CFAP45: variants seen among roughly 807,000 people sequenced by gnomAD.
CFAP45 encodes cilia- and flagella-associated protein 45.
A neutral mutation model predicts 75.6 loss-of-function variants in CFAP45; 43 were observed. The ratio of observed to expected loss-of-function variants is 0.57; its 90% CI spans 0.45 to 0.73. The LOEUF is 0.73. CFAP45 is among the 30% of genes least tolerant of loss of function. The pLI, the probability that CFAP45 is intolerant of heterozygous loss-of-function variation, is 0.00. For synonymous variants in CFAP45, 223 were observed against 244.6 expected, an observed-to-expected ratio of 0.91 and a Z score of 0.82; for missense variants, 689 against 701.5, an observed-to-expected ratio of 0.98 and a Z score of 0.20.
chr1:159,884,212 C>T (rs1318696745), intron 7 of CFAP45, among the ~76,000 whole-genome samples: 1 of 151,982 alleles, frequency 6.6e-6, no homozygotes, highest in Non-Finnish European at 1.5e-5. Flanking sequence ...GACCTCAAGT[C>T]CTTGGAAGGA....
At position 159,876,587 on chromosome 1, in the gene CFAP45, G is replaced by A. The variant is rs1202413837; in HGVS notation, c.1321C>T (p.Arg441Trp). The part of the protein sequence containing the change: ...KEHALAVQVQ[R>W]DRDEFERILR... ...ATCCTCTCGAACTCATCCCGGTCCC[G>A]TTGCACCTGAACAGCCAGAGCGTGC... The change falls in exon 10 of 12, where the codon CGG becomes TGG. Residue 441 changes from arginine to tryptophan, a missense_variant. By Grantham distance (101) the Arg-to-Trp change is moderately radical. Transcript: ENST00000368099. The A allele has an allele frequency of 1.5e-5, 24 of 1,613,908 alleles. No individual in the cohort carries two copies. The highest frequency in any genetic ancestry group is 2.2e-5 in the South Asian group (2 of 91,076).
intron 10 of CFAP45, among the ~76,000 whole-genome samples, chr1:159,876,028 G>A (rs1334106124): frequency 1.3e-5 from 2 of 152,180 alleles, no homozygotes; most frequent in Non-Finnish European, 2.9e-5. Flanking sequence ...TGTGGAATGG[G>A]CAAGAGCAGT....
In CFAP45 at chr1:159,876,662, T is replaced by C; in HGVS notation, c.1246A>G (p.Thr416Ala). The change falls in exon 10 of 12, where the codon ACA (threonine) becomes GCA (alanine). Residue 416 changes from threonine (T) to alanine (A), a missense_variant. Thr to Ala is a moderately conservative substitution (Grantham distance 58). Transcript: ENST00000368099. ...EKENARKKME[T>A]EAELRKSRLE... ...CGACTTTTTCGCAGCTCAGCCTCTG[T>C]TTCCATCTTCTTCCGCGCATTTTCC... The C allele has an allele frequency of 1.2e-6, 2 of 1,614,202 alleles. No individual in the cohort carries two copies. The highest frequency in any genetic ancestry group is 1.7e-6 in the Non-Finnish European group (2 of 1,180,028).
At chr1:159,889,470 T>C (rs4656855) in intron 3 of CFAP45, among the ~76,000 whole-genome samples, 80,946 of 152,176 alleles carry the variant, frequency 0.53, 24,050 homozygotes, top group Non-Finnish European at 0.66. Flanking sequence ...TTAGCCAAGA[T>C]CTTGTGTTTC....
At chr1:159,886,433 C>A in intron 6 of CFAP45, 78 bp downstream of exon 6, 1 of 1,210,566 alleles carries the variant, frequency 8.3e-7, no homozygotes, top group Admixed American at 1.7e-5. Flanking sequence ...CTCATCTCTT[C>A]CCTCTTTGCT....
At chr1:159,875,159 A>C (rs1339130293) in intron 10 of CFAP45, among the ~76,000 whole-genome samples, 2 of 152,252 alleles carry the variant, frequency 1.3e-5, no homozygotes, top group Non-Finnish European at 2.9e-5. Flanking sequence ...CTTCAGGCAA[A>C]TGATGCAAAG....
At position 159,895,881 on chromosome 1, in the gene CFAP45, G is replaced by A. The variant is rs181287228; in HGVS notation, c.4-2576C>T. Reference sequence around the variant, plus strand: ...ATGTAATTAAGGGAAAAGGTGCAGTGCCTGGCACATGTAGTAGGAACAATA... The same window carrying A: ...ATGTAATTAAGGGAAAAGGTGCAGTACCTGGCACATGTAGTAGGAACAATA... On this transcript the variant is annotated intron_variant, in intron 1 of 11. Transcript: ENST00000368099. 5.3e-5 allele frequency among the ~76,000 whole-genome samples: 8 copies of A among 152,348 alleles called. No individual in the cohort carries two copies. In the East Asian group the frequency reaches 1.2e-3, roughly 22 times the overall value.
chr1:159,898,268 T>C lies in CFAP45; in HGVS notation c.3+1828A>G, dbSNP rs1649996803. The C allele has an allele frequency of 7.1e-6, 7 of 981,478 alleles. No homozygotes were observed. The South Asian group carries it at 2.4e-4, about 33-fold the overall frequency. The allele number at this position is 981,478 out of a possible 1,614,324, so 60.8% of individuals were successfully genotyped here. A position where few individuals can be genotyped will look rare whatever the true frequency, so the allele number is the denominator to read the frequency against. On this transcript the variant is annotated intron_variant, in intron 1 of 11. Transcript: ENST00000368099. ...TCTTCAATTGGGACCAAGTTGGCCA[T>C]CTGTAGGATGCCACCAGAAGATAAC...
chr1:159,885,682 G>A (rs570276658), intron 6 of CFAP45, among the ~76,000 whole-genome samples: 7 of 152,154 alleles, frequency 4.6e-5, no homozygotes, highest in African/African-American at 7.2e-5. Flanking sequence ...AACTGGATAC[G>A]AAAGGACCTG....
chr1:159,890,541 C>A lies in CFAP45; in HGVS notation c.211G>T (p.Gly71Cys), dbSNP rs746475149. The change falls in exon 3 of 12, where the codon GGC (glycine) becomes TGC (cysteine). Residue 71 changes from glycine to cysteine, a missense_variant. Physicochemically the swap from Gly to Cys is radical, Grantham distance 159 (BLOSUM62 -3). Coordinates refer to ENST00000368099, the MANE Select transcript of CFAP45 (RefSeq NM_012337.3). ...HTLQKTLTAL[G>C]LDRKPETIQL... ...ATGGTCTCTGGCTTGCGATCCAAGC[C>A]CAAAGCAGTGAGAGTTTTTTGAAGG... 6.2e-7 allele frequency: 1 copy of A among 1,613,960 alleles called. No homozygotes were observed. Among genetic ancestry groups the A allele is most frequent in the South Asian group, 1.1e-5 (1 of 91,072 alleles).
intron 1 of CFAP45, among the ~76,000 whole-genome samples, chr1:159,896,459 A>G (rs538006850): frequency 2.6e-5 from 4 of 152,362 alleles, no homozygotes; most frequent in African/African-American, 7.2e-5. Context: ...GCCAAGAGTA[A>G]CAAGGATTAG....
chr1:159,885,794 T>C (rs1255899662), intron 6 of CFAP45, among the ~76,000 whole-genome samples: 1 of 151,954 alleles, frequency 6.6e-6, no homozygotes, highest in Non-Finnish European at 1.5e-5. Flanking sequence ...AGGGAGCCAC[T>C]AAGCCTGCCT....
Position 159,880,684 on chromosome 1 carries a change from T to C in CFAP45, c.914A>G (p.Gln305Arg), listed in dbSNP as rs749034897. 1 of 1,613,864 alleles carries C rather than the reference T, an allele frequency of 6.2e-7. No homozygotes were observed. The highest frequency in any genetic ancestry group is 8.5e-7 in the Non-Finnish European group (1 of 1,179,934). ...EEDLKDMERRQQQKLKMQAEI... is the reference protein window; with the variant it reads ...EEDLKDMERRRQQKLKMQAEI... ...AGCTTGCATCTTCAGTTTTTGTTGCTGCCTTCGTTCCATGTCCTGCCAGCA... is the reference window on the plus strand; with the variant it reads ...AGCTTGCATCTTCAGTTTTTGTTGCCGCCTTCGTTCCATGTCCTGCCAGCA... The change falls in exon 8 of 12, where the codon CAG becomes CGG. Residue 305 changes from glutamine (Q) to arginine (R), a missense_variant. Coordinates refer to ENST00000368099, the MANE Select transcript of CFAP45 (RefSeq NM_012337.3).
At chr1:159,885,209 A>G (rs1557913741) in intron 6 of CFAP45, among the ~76,000 whole-genome samples, 1 of 152,234 alleles carries the variant, frequency 6.6e-6, no homozygotes, top group Non-Finnish European at 1.5e-5. Context: ...TTACATGAAA[A>G]CAAGTTTGGG....
intron 7 of CFAP45, 24 bp downstream of exon 7, chr1:159,884,412 G>T: frequency 6.3e-7 from 1 of 1,582,884 alleles, no homozygotes; most frequent in Non-Finnish European, 8.6e-7. Context: ...GGTGAAACGT[G>T]GCATTGTCTG....
chr1:159,875,674 T>C (rs1240978441), intron 10 of CFAP45, among the ~76,000 whole-genome samples: 2 of 152,242 alleles, frequency 1.3e-5, no homozygotes, highest in African/African-American at 4.8e-5. Context: ...TCAATTCGAA[T>C]TTTGCTTGGC....
At chr1:159,892,279 G>A (rs750649487) in intron 2 of CFAP45, among the ~76,000 whole-genome samples, 1 of 152,104 alleles carries the variant, frequency 6.6e-6, no homozygotes, top group African/African-American at 2.4e-5. Flanking sequence ...GGTGACAGGA[G>A]TGAAACCCTA....
chr1:159,892,832 C>T (rs1391645065), intron 2 of CFAP45, among the ~76,000 whole-genome samples: 1 of 152,194 alleles, frequency 6.6e-6, no homozygotes, highest in African/African-American at 2.4e-5. Flanking sequence ...GAAGATGTTG[C>T]TATTGTCTGC....
intron 10 of CFAP45, among the ~76,000 whole-genome samples, chr1:159,876,097 CTTAATATATATTTG>C (rs1649394083): frequency 6.6e-6 from 1 of 152,148 alleles, no homozygotes. Context: ...CATTTCTGTG[CTTAATATATATTTG>C]TCAAATGAAC....
Sources: gnomAD v4.1 joint callset for allele counts (sites outside exome capture counted in the v4.1 genomes callset) on GRCh38, gnomAD v4.1.1 for gene constraint, MANE v1.5 for transcripts, NCBI Gene and HGNC (gene_info 2026-07-23, HGNC 2026-07-21) for gene names.